The following SH3GL2 variants were observed in gnomAD, a reference collection of about 807,000 sequenced individuals.
SH3GL2 encodes SH3 domain containing GRB2 like 2, endophilin A1.
SH3GL2 carries 24 observed loss-of-function variants against 46.0 expected under a neutral mutation model. The observed-to-expected ratio is 0.52, with a 90% CI of 0.38 to 0.73. The LOEUF is 0.73. SH3GL2 is among the 30% of genes least tolerant of loss of function. The probability of loss-of-function intolerance (pLI) is 0.00; values close to 1 mark genes in which losing one functional copy is unlikely to be tolerated. For missense variants in SH3GL2, 413 were observed against 424.2 expected (o/e 0.97, Z 0.23); for synonymous variants, 196 against 147.1 (o/e 1.33, Z -2.40).
intron 1 of SH3GL2, among the ~76,000 whole-genome samples, chr9:17,731,091 A>G (rs949804774): frequency 6.6e-6 from 1 of 152,144 alleles, no homozygotes; most frequent in Non-Finnish European, 1.5e-5. Flanking sequence ...AACGTTGTAT[A>G]GTCCTTGTGG....
intron 1 of SH3GL2, among the ~76,000 whole-genome samples, chr9:17,731,088 T>C (rs1184155647): frequency 6.6e-6 from 1 of 152,114 alleles, no homozygotes; most frequent in Non-Finnish European, 1.5e-5. Context: ...CAAAACGTTG[T>C]ATAGTCCTTG....
At chr9:17,610,341 T>C (rs1246361387) in intron 1 of SH3GL2, among the ~76,000 whole-genome samples, 3 of 152,186 alleles carry the variant, frequency 2.0e-5, no homozygotes, top group African/African-American at 7.2e-5. Flanking sequence ...AGATCCTCTT[T>C]ATGTATTCAG....
At chr9:17,784,799 A>C (rs989894142) in intron 3 of SH3GL2, among the ~76,000 whole-genome samples, 1 of 152,144 alleles carries the variant, frequency 6.6e-6, no homozygotes, top group Non-Finnish European at 1.5e-5. Flanking sequence ...TACCGCCTCA[A>C]ACTCCTGGCC....
intron 1 of SH3GL2, among the ~76,000 whole-genome samples, chr9:17,739,056 T>C (rs1247691465): frequency 6.6e-6 from 1 of 152,112 alleles, no homozygotes; most frequent in African/African-American, 2.4e-5. Context: ...ATCTTAGAAC[T>C]CTTCTGATTA....
At position 17,796,124 on chromosome 9, in the gene SH3GL2, T is replaced by A. The variant is rs1302453262; in HGVS notation, c.*381T>A. ...CCATCTGAAGGTCTCTTTGCATTTC[T>A]CCATGCAAAGAGGAGAAAGCTTTTG... is the stretch of plus-strand genomic sequence containing the variant. On this transcript the variant is annotated 3_prime_UTR_variant, in exon 9 of 9. Coordinates refer to ENST00000380607, the MANE Select transcript of SH3GL2 (RefSeq NM_003026.5). 1 of 176,044 alleles carries A rather than the reference T, an allele frequency of 5.7e-6. No individual in the cohort carries two copies. The highest frequency in any genetic ancestry group is 1.8e-4 in the South Asian group (1 of 5,434). 10.9% of individuals were successfully genotyped at this position (176,044 alleles called of 1,614,324 possible).
intron 1 of SH3GL2, among the ~76,000 whole-genome samples, chr9:17,743,565 T>A (rs1275383496): frequency 1.7e-5 from 1 of 60,338 alleles, no homozygotes; most frequent in Non-Finnish European, 3.3e-5. Context: ...CTCTCTCTTT[T>A]GTGAACACAC....
intron 2 of SH3GL2, among the ~76,000 whole-genome samples, chr9:17,760,750 A>C (rs980267536): frequency 4.6e-5 from 7 of 152,188 alleles, no homozygotes; most frequent in Non-Finnish European, 1.0e-4. Context: ...CTGATAAGAA[A>C]AGGATTTCTT....
At chr9:17,768,933 C>T (rs1823395301) in intron 3 of SH3GL2, among the ~76,000 whole-genome samples, 1 of 152,196 alleles carries the variant, frequency 6.6e-6, no homozygotes, top group Non-Finnish European at 1.5e-5. Context: ...AGGATCTGAG[C>T]TCATTCCTTA....
At chr9:17,603,235 C>A (rs10963158) in intron 1 of SH3GL2, among the ~76,000 whole-genome samples, 91,062 of 152,034 alleles carry the variant, frequency 0.6, 28,937 homozygotes, top group Non-Finnish European at 0.7. Context: ...GCCAATGTTC[C>A]TTGCAGCATT....
At chr9:17,626,715 C>T (rs913080028) in intron 1 of SH3GL2, among the ~76,000 whole-genome samples, 1 of 152,130 alleles carries the variant, frequency 6.6e-6, no homozygotes, top group African/African-American at 2.4e-5. Flanking sequence ...GAATGGCTCC[C>T]ATAGCTTTCT....
rs533689787 is a variant in SH3GL2 at position 17,625,126 on chromosome 9, T to C, written c.45+45839T>C. Among the ~76,000 whole-genome samples the C allele has an allele frequency of 9.5e-4, 145 of 152,308 alleles. 1 individual carries two copies. The highest frequency in any genetic ancestry group is 3.0e-3 in the African/African-American group (126 of 41,562). On this transcript the variant is annotated intron_variant, in intron 1 of 8. Coordinates refer to ENST00000380607, the MANE Select transcript of SH3GL2 (RefSeq NM_003026.5). Reference sequence around the variant, plus strand: ...TTAATGAACATGCACATTTTGGCACTCTCTCATGCTTGCATTTTTAGTTGT... The same window carrying C: ...TTAATGAACATGCACATTTTGGCACCCTCTCATGCTTGCATTTTTAGTTGT...
At chr9:17,700,579 T>C (rs957605249) in intron 1 of SH3GL2, among the ~76,000 whole-genome samples, 17 of 152,220 alleles carry the variant, frequency 1.1e-4, no homozygotes, top group Admixed American at 5.2e-4. Context: ...TTTTGTTCTT[T>C]AGCCAGATTC....
At chr9:17,753,165 A>G (rs1317679139) in intron 2 of SH3GL2, among the ~76,000 whole-genome samples, 1 of 152,174 alleles carries the variant, frequency 6.6e-6, no homozygotes, top group Non-Finnish European at 1.5e-5. Flanking sequence ...GCTGCAGTGA[A>G]CACATGTGTG....
At chr9:17,771,260 C>A (rs958825589) in intron 3 of SH3GL2, among the ~76,000 whole-genome samples, 13 of 152,168 alleles carry the variant, frequency 8.5e-5, no homozygotes, top group African/African-American at 3.1e-4. Context: ...CTGAACCCCC[C>A]AGGGAGTATA....
chr9:17,760,751 A>G (rs1402727130), intron 2 of SH3GL2, among the ~76,000 whole-genome samples: 1 of 152,198 alleles, frequency 6.6e-6, no homozygotes, highest in African/African-American at 2.4e-5. Context: ...TGATAAGAAA[A>G]GGATTTCTTG....
intron 3 of SH3GL2, among the ~76,000 whole-genome samples, chr9:17,782,701 T>C (rs1255914158): frequency 6.6e-6 from 1 of 152,138 alleles, no homozygotes; most frequent in East Asian, 1.9e-4. Context: ...GTCATGGTAC[T>C]TCTGAACAGG....
At chr9:17,663,336 T>C (rs1205858833) in intron 1 of SH3GL2, among the ~76,000 whole-genome samples, 1 of 152,216 alleles carries the variant, frequency 6.6e-6, no homozygotes, top group Non-Finnish European at 1.5e-5. Flanking sequence ...TTAGATTTGC[T>C]TTTTTACTGT....
chr9:17,679,784 T>C (rs1429350313), intron 1 of SH3GL2, among the ~76,000 whole-genome samples: 1 of 152,180 alleles, frequency 6.6e-6, no homozygotes, highest in Non-Finnish European at 1.5e-5. Flanking sequence ...ATAGCTCTTA[T>C]TATTTTGAGA....
intron 1 of SH3GL2, among the ~76,000 whole-genome samples, chr9:17,734,252 A>G (rs1211531718): frequency 6.6e-6 from 1 of 152,000 alleles, no homozygotes; most frequent in South Asian, 2.1e-4. Context: ...ATTCAGCCAC[A>G]TGTTTGTCTG....
Sources: allele counts gnomAD v4.1 joint callset (sites outside exome capture counted in the v4.1 genomes callset), GRCh38; gene constraint gnomAD v4.1.1; transcripts MANE v1.5; gene names NCBI Gene and HGNC (gene_info 2026-07-23, HGNC 2026-07-21).